ZNF154: variants seen among roughly 807,000 people sequenced by gnomAD.
ZNF154 encodes zinc finger protein 154.
ZNF154 carries 6 observed loss-of-function variants against 7.5 expected under a neutral mutation model. The ratio of observed to expected loss-of-function variants is 0.80; its 90% confidence interval spans 0.44 to 1.57. ZNF154 has a LOEUF of 1.57. Among genes scored for constraint, ZNF154 ranks in the 40% most tolerant of loss-of-function variants. ZNF154 has a pLI of 0.01. For synonymous variants in ZNF154, 187 were observed against 185.9 expected, an observed-to-expected ratio of 1.01 and a Z score of -0.05; for missense variants, 485 against 531.4, an observed-to-expected ratio of 0.91 and a Z score of 0.86.
In ZNF154 at chr19:57,702,496, C is replaced by T. The variant is rs777273987; in HGVS notation, c.453G>A (p.Gln151=). 14 of 1,614,124 alleles carry T rather than the reference C, an allele frequency of 8.7e-6. No homozygotes were observed. Among genetic ancestry groups the T allele is most frequent in the Non-Finnish European group, 1.0e-5 (12 of 1,180,052 alleles). The part of the protein sequence containing the change: ...AFSGKHTLVQ[Q]QRTLTTERCY... Reference sequence around the variant, plus strand: ...ATCTTTCTGTAGTGAGGGTTCTCTGCTGCTGAACAAGTGTGTGTTTACCGC... The same window carrying T: ...ATCTTTCTGTAGTGAGGGTTCTCTGTTGCTGAACAAGTGTGTGTTTACCGC... Residue 151 remains glutamine, a synonymous_variant, in exon 3 of 3, where the codon CAG becomes CAA. Transcript: ENST00000684351.
chr19:57,700,245 T>C lies in ZNF154; in HGVS notation c.*1390A>G, dbSNP rs1174481843. ...GATCACAAAGGCTGTATCAATGGCC[T>C]AGACCTCCCTTCTCTATCCTTGTTT... On this transcript the variant is annotated 3_prime_UTR_variant, in exon 3 of 3. Transcript: ENST00000684351. 1 of 152,188 alleles carries C rather than the reference T, an allele frequency of 6.6e-6. No individual in the cohort carries two copies. The highest frequency in any genetic ancestry group is 6.5e-5 in the Admixed American group (1 of 15,280). The allele number at this position is 152,188 out of a possible 1,614,324, so 9.4% of individuals were successfully genotyped here.
At chr19:57,705,060 A>T (rs762401548) in intron 1 of ZNF154, 81 bp from the exon 2 acceptor site, 2 of 1,505,252 alleles carry the variant, frequency 1.3e-6, no homozygotes, top group Non-Finnish European at 1.8e-6. Context: ...TCTTTACCCC[A>T]TGCCCATTCT....
intron 1 of ZNF154, among the ~76,000 whole-genome samples, chr19:57,708,055 G>A (rs1376021955): frequency 6.6e-6 from 1 of 152,146 alleles, no homozygotes. Flanking sequence ...GAGAACCAGG[G>A]AAAGAGGAAT....
chr19:57,708,520 C>G (rs1294343673), intron 1 of ZNF154, among the ~76,000 whole-genome samples: 1 of 152,062 alleles, frequency 6.6e-6, no homozygotes, highest in Non-Finnish European at 1.5e-5. Context: ...TTGCAGTGAC[C>G]CGAGATCGCG....
rs1364291922 is a variant in ZNF154 at position 57,701,766 on chromosome 19, T to C, written c.1183A>G (p.Thr395Ala). The C allele has an allele frequency of 1.2e-6, 2 of 1,614,012 alleles. No homozygotes were observed. The highest frequency in any genetic ancestry group is 3.3e-5 in the Admixed American group (2 of 60,002). ...YECSECGKSF[T>A]QNSGLIKHRR... ...TGCTTAATGAGGCCGGAATTTTGAG[T>C]AAAGGATTTCCCACATTCACTGCAC... Residue 395 changes from threonine to alanine, a missense_variant, in exon 3 of 3, where the codon ACT becomes GCT. By Grantham distance (58) the Thr-to-Ala change is moderately conservative (BLOSUM62 0). Transcript: ENST00000684351.
rs745921079 is a variant in ZNF154 at position 57,702,043 on chromosome 19, C to T, written c.906G>A (p.Glu302=). 1.9e-6 allele frequency: 3 copies of T among 1,613,404 alleles called. No individual in the cohort carries two copies. The highest frequency in any genetic ancestry group is 1.3e-5 in the African/African-American group (1 of 74,628). The change falls in exon 3 of 3, where the codon GAG becomes GAA. Residue 302 remains glutamate, a synonymous_variant. Coordinates refer to ENST00000684351, the MANE Select transcript of ZNF154 (RefSeq NM_001085384.3). The part of the protein sequence containing the change: ...QKVHSGSRPY[E]CSECGKSFSQ... ...TAAATGACTTCCCACATTCGCTGCA[C>T]TCATAAGGCCTGGATCCACTGTGAA...
At position 57,702,326 on chromosome 19, in the gene ZNF154, C is replaced by T. The variant is rs773669101; in HGVS notation, c.623G>A (p.Arg208Gln). ...AGGTCGTACTGCAGTGTGAACTCTC[C>T]GGTGCTGAATGAGACTAGAGCTTTG... ...FRQSSSLIQH[R>Q]RVHTAVRPHE... Residue 208 changes from arginine to glutamine, a missense_variant, in exon 3 of 3, where the codon CGG becomes CAG. Transcript: ENST00000684351. 3.6e-5 allele frequency: 58 copies of T among 1,612,764 alleles called. No homozygotes were observed. Among genetic ancestry groups the T allele is most frequent in the Admixed American group, 8.3e-5 (5 of 59,966 alleles).
rs1039575023 is a variant in ZNF154 at position 57,697,210 on chromosome 19, A to G, written c.*4425T>C. Among the ~76,000 whole-genome samples, 6 of 152,230 alleles carry G rather than the reference A, an allele frequency of 3.9e-5. No individual in the cohort carries two copies. In the South Asian group the frequency reaches 1.0e-3, roughly 26 times the overall value. On this transcript the variant is annotated 3_prime_UTR_variant, in exon 3 of 3. Transcript: ENST00000684351. ...CTTAATAAAAGCGTTTTCTGTCTCT[A>G]CCTTCGTGGAGAGGATTTCTGGGTT...
rs1985181142 is a variant in ZNF154 at position 57,702,113 on chromosome 19, CCA to C, written c.834_835del (p.Cys278TrpfsTer24). On this transcript the variant is annotated frameshift_variant, in exon 3 of 3. Transcript: ENST00000684351. LOFTEE classifies it low-confidence loss of function (END_TRUNC). Reference sequence around the variant, plus strand: ...ACTGGAATGATATGTAAAAAACTTCCCACATTCACTGCACTCATAAGGCCTCT... The same window carrying C: ...ACTGGAATGATATGTAAAAAACTTCCCATTCACTGCACTCATAAGGCCTCT... 6.2e-7 allele frequency: 1 copy of C among 1,613,104 alleles called. No individual in the cohort carries two copies. The highest frequency in any genetic ancestry group is 1.1e-5 in the South Asian group (1 of 91,032).
At position 57,701,808 on chromosome 19, in the gene ZNF154, C is replaced by T. The variant is rs1202028836; in HGVS notation, c.1141G>A (p.Gly381Arg). The T allele has an allele frequency of 1.2e-6, 2 of 1,614,068 alleles. No homozygotes were observed. The highest frequency in any genetic ancestry group is 2.2e-5 in the East Asian group (1 of 44,874). The change falls in exon 3 of 3, where the codon GGA becomes AGA. Residue 381 changes from glycine (G) to arginine (R), a missense_variant. Gly to Arg is a moderately radical substitution (Grantham distance 125). Transcript: ENST00000684351. ...SLRKHQRVHTGSRPYECSECG... is the reference protein window; with the variant it reads ...SLRKHQRVHTRSRPYECSECG... ...TCACTGCACTCATAGGGTCTTGATC[C>T]AGTGTGAACTCTCTGGTGTTTTCGG...
Position 57,702,643 on chromosome 19 carries a change from C to T in ZNF154, c.306G>A (p.Leu102=). 6.2e-7 allele frequency: 1 copy of T among 1,614,086 alleles called. No homozygotes were observed. Among genetic ancestry groups the T allele is most frequent in the Non-Finnish European group, 8.5e-7 (1 of 1,180,034 alleles). ...GAGCAGCCTGTTGATGGAGAAATCC[C>T]AACTTGGCCAGGAAGTCCTTCCCAA... ...REVGKDFLAK[L]GFLHQQAAHT... The change falls in exon 3 of 3, where the codon TTG becomes TTA. Residue 102 remains leucine, a synonymous_variant. Coordinates refer to ENST00000684351, the MANE Select transcript of ZNF154 (RefSeq NM_001085384.3).
intron 2 of ZNF154, among the ~76,000 whole-genome samples, chr19:57,704,189 T>C (rs1985296762): frequency 6.6e-6 from 1 of 151,996 alleles, no homozygotes; most frequent in African/African-American, 2.4e-5. Context: ...GTCAGCAAAA[T>C]GTCAAGAATG....
chr19:57,706,834 G>A (rs1387823757), intron 1 of ZNF154, among the ~76,000 whole-genome samples: 2 of 152,204 alleles, frequency 1.3e-5, no homozygotes, highest in East Asian at 1.9e-4. Context: ...CTTGTAGGCC[G>A]GATGCGGTGG....
rs778340856 is a variant in ZNF154 at position 57,701,869 on chromosome 19, A to G, written c.1080T>C (p.Ser360=). The G allele has an allele frequency of 3.7e-6, 6 of 1,612,822 alleles. No individual in the cohort carries two copies. The Admixed American group carries it at 1.0e-4, about 27-fold the overall frequency. ...TGTAGGGAAAGAACTTCCCACATTC[A>G]CTGCACTCATAAGGCCTCTCCCCAG... ...VHTGERPYEC[S]ECGKFFPYSS... The change falls in exon 3 of 3, where the codon AGT becomes AGC. Residue 360 remains serine (S), a synonymous_variant. Transcript: ENST00000684351.
Position 57,698,187 on chromosome 19 carries a change from T to C in ZNF154, c.*3448A>G, listed in dbSNP as rs575779184. The C allele has an allele frequency of 6.6e-6, 1 of 152,260 alleles. No homozygotes were observed. The highest frequency in any genetic ancestry group is 1.9e-4 in the East Asian group (1 of 5,182). The allele number at this position is 152,260 out of a possible 1,614,324, so 9.4% of individuals were successfully genotyped here. A position where few individuals can be genotyped will look rare whatever the true frequency, so the allele number is the denominator to read the frequency against. On this transcript the variant is annotated 3_prime_UTR_variant, in exon 3 of 3. Transcript: ENST00000684351. ...ATAAATACGTGACTATACCCAGGGA[T>C]TAAAAAAGAGTAAATACATTATGGT...
At chr19:57,707,863 T>C (rs34712382) in intron 1 of ZNF154, among the ~76,000 whole-genome samples, 24,684 of 152,110 alleles carry the variant, frequency 0.16, 2,094 homozygotes, top group Non-Finnish European at 0.17. Flanking sequence ...CCCTGTAACC[T>C]CTGGCATGGA....
At position 57,702,426 on chromosome 19, in the gene ZNF154, T is replaced by C. The variant is rs1375588151; in HGVS notation, c.523A>G (p.Ser175Gly). ...TGAAGTCTCCAATGGTCATTGAGACTGTAGCTTTTGCTAAAGGATTTCCCA... is the reference window on the plus strand; with the variant it reads ...TGAAGTCTCCAATGGTCATTGAGACCGTAGCTTTTGCTAAAGGATTTCCCA... ...ECGKSFSKSYSLNDHWRLHTG... is the reference protein window; with the variant it reads ...ECGKSFSKSYGLNDHWRLHTG... Residue 175 changes from serine to glycine, a missense_variant, in exon 3 of 3, where the codon AGT becomes GGT. Ser to Gly is a moderately conservative substitution (Grantham distance 56). Coordinates refer to ENST00000684351, the MANE Select transcript of ZNF154 (RefSeq NM_001085384.3). 1.2e-6 allele frequency: 2 copies of C among 1,614,060 alleles called. No homozygotes were observed. Among genetic ancestry groups the C allele is most frequent in the Non-Finnish European group, 1.7e-6 (2 of 1,179,926 alleles).
At chr19:57,708,449 T>A (rs181864622) in intron 1 of ZNF154, among the ~76,000 whole-genome samples, 1 of 152,060 alleles carries the variant, frequency 6.6e-6, no homozygotes, top group African/African-American at 2.4e-5. Context: ...GCTGCAGGCT[T>A]GTAATCCCAG....
intron 2 of ZNF154, among the ~76,000 whole-genome samples, chr19:57,703,278 G>A (rs941022029): frequency 1.4e-4 from 22 of 151,984 alleles, no homozygotes; most frequent in Non-Finnish European, 2.2e-4. Flanking sequence ...ACAAAGTCAG[G>A]AGTTTGAGAC....
Sources: gnomAD v4.1 joint callset for allele counts (sites outside exome capture counted in the v4.1 genomes callset) on GRCh38, gnomAD v4.1.1 for gene constraint, MANE v1.5 for transcripts, NCBI Gene and HGNC (gene_info 2026-07-23, HGNC 2026-07-21) for gene names.